Variants in COL11A1 observed in about 807,000 individuals in gnomAD.
The protein encoded by COL11A1 is collagen type XI alpha 1 chain.
COL11A1 carries 74 observed loss-of-function variants against 265.2 expected under a neutral mutation model. The observed-to-expected ratio is 0.28, with a 90% CI of 0.23 to 0.34. The LOEUF is 0.34. Among genes scored for constraint, COL11A1 ranks in the 10% least tolerant of loss-of-function variants. The pLI, the probability that COL11A1 is intolerant of heterozygous loss-of-function variation, is 1.00. For missense variants in COL11A1, 2,165 were observed against 2,263.6 expected, an observed-to-expected ratio of 0.96 and a Z score of 0.88; for synonymous variants, 816 against 727.6, an observed-to-expected ratio of 1.12 and a Z score of -1.96.
At chr1:103,056,963 T>C (rs1487026075) in intron 4 of COL11A1, among the ~76,000 whole-genome samples, 6 of 152,190 alleles carry the variant, frequency 3.9e-5, no homozygotes, top group Non-Finnish European at 8.8e-5. Context: ...CCTCTGTGTC[T>C]ATAACTGCTT....
At chr1:103,016,633 T>G (rs1557949431) in intron 11 of COL11A1, among the ~76,000 whole-genome samples, 1 of 151,758 alleles carries the variant, frequency 6.6e-6, no homozygotes, top group Non-Finnish European at 1.5e-5. Context: ...AACCAATATA[T>G]AAAAAAATGC....
At position 103,080,562 on chromosome 1, in the gene COL11A1, G is replaced by A. The variant is rs188065536; in HGVS notation, c.275-1691C>T. Among the ~76,000 whole-genome samples the A allele has an allele frequency of 9.2e-3, 1,399 of 151,762 alleles. 25 individuals are homozygous for A. Among genetic ancestry groups the A allele is most frequent in the African/African-American group, 0.031 (1,296 of 41,464 alleles). On this transcript the variant is annotated intron_variant, in intron 2 of 66. Coordinates refer to ENST00000370096, the MANE Select transcript of COL11A1 (RefSeq NM_001854.4). ...ACATACAAATGGCTAACGGGTATAT[G>A]AAAAAAATGCTCAACATCGTTAATC...
chr1:103,107,955 G>A (rs1250017332), intron 1 of COL11A1, 118 bp downstream of exon 1: 10 of 766,192 alleles, frequency 1.3e-5, no homozygotes, highest in Non-Finnish European at 2.0e-5. Context: ...GTATTTAAGG[G>A]AATTGCTTTT....
At position 103,022,736 on chromosome 1, in the gene COL11A1, A is replaced by G; in HGVS notation, c.1245+6T>C. ...TACAATGACACAGTGCATAGTATCAACTTACGCTTGTTTCTGTAATATCAG... is the reference window on the plus strand; with the variant it reads ...TACAATGACACAGTGCATAGTATCAGCTTACGCTTGTTTCTGTAATATCAG... On this transcript the variant is annotated splice_donor_region_variant and intron_variant, in intron 8 of 66. Transcript: ENST00000370096. 1 of 1,613,584 alleles carries G rather than the reference A, an allele frequency of 6.2e-7. No homozygotes were observed. The highest frequency in any genetic ancestry group is 8.5e-7 in the Non-Finnish European group (1 of 1,179,936).
At chr1:103,014,883 T>G (rs1322624028) in intron 12 of COL11A1, among the ~76,000 whole-genome samples, 1 of 152,006 alleles carries the variant, frequency 6.6e-6, no homozygotes, top group East Asian at 1.9e-4. Context: ...CATTGTGACT[T>G]TTTTTTAAGC....
chr1:103,082,763 C>A (rs11164662), intron 2 of COL11A1, 42 bp downstream of exon 2: 3 of 1,524,936 alleles, frequency 2.0e-6, no homozygotes, highest in Non-Finnish European at 2.7e-6. Flanking sequence ...AGTGTAATAA[C>A]TTTTAGTAAT....
intron 4 of COL11A1, among the ~76,000 whole-genome samples, chr1:103,052,865 GA>G (rs1277481199): frequency 2.0e-5 from 3 of 152,114 alleles, no homozygotes; most frequent in African/African-American, 7.2e-5. Flanking sequence ...TAGCACTCAA[GA>G]AATACGTAGT....
intron 4 of COL11A1, among the ~76,000 whole-genome samples, chr1:103,066,174 T>A (rs879819238): frequency 1.3e-5 from 2 of 152,002 alleles, no homozygotes; most frequent in African/African-American, 4.8e-5. Context: ...GAAAAGTGTA[T>A]CCTAGAAAAA....
chr1:102,900,180 T>G (rs1033602934), intron 54 of COL11A1, among the ~76,000 whole-genome samples: 5 of 152,160 alleles, frequency 3.3e-5, no homozygotes, highest in African/African-American at 1.2e-4. Context: ...AACTATCTAT[T>G]ATTAGACATT....
At chr1:103,100,176 C>T (rs1674133794) in intron 1 of COL11A1, 1 of 151,832 alleles carries the variant, frequency 6.6e-6, no homozygotes, top group African/African-American at 2.4e-5. Flanking sequence ...TCCAAAAAAG[C>T]TTTTGGATAA....
chr1:103,046,827 T>C (rs2102092191), intron 4 of COL11A1, among the ~76,000 whole-genome samples: 1 of 151,816 alleles, frequency 6.6e-6, no homozygotes, highest in East Asian at 1.9e-4. Context: ...TACATATGGC[T>C]AGCCAGTTTT....
At chr1:103,002,529 T>C (rs370193732) in intron 22 of COL11A1, 48 bp from the exon 23 acceptor site, 36 of 1,487,292 alleles carry the variant, frequency 2.4e-5, no homozygotes, top group Non-Finnish European at 3.1e-5. Context: ...TATTACACAA[T>C]AGATTTTTGT....
At chr1:102,963,466 AG>A (rs1403552000) in intron 38 of COL11A1, among the ~76,000 whole-genome samples, 1 of 152,148 alleles carries the variant, frequency 6.6e-6, no homozygotes, top group Non-Finnish European at 1.5e-5. Context: ...TGAGTATAGC[AG>A]GCTTTCATGT....
chr1:103,049,775 G>C (rs1304356585), intron 4 of COL11A1, among the ~76,000 whole-genome samples: 1 of 152,162 alleles, frequency 6.6e-6, no homozygotes, highest in East Asian at 1.9e-4. Flanking sequence ...TCCTTCAGGA[G>C]CTCTTGTAGG....
intron 4 of COL11A1, among the ~76,000 whole-genome samples, chr1:103,063,550 T>C (rs1342339647): frequency 6.6e-6 from 1 of 152,044 alleles, no homozygotes; most frequent in Admixed American, 6.5e-5. Context: ...CTTAAATTGT[T>C]CAGAAAAATT....
intron 65 of COL11A1, among the ~76,000 whole-genome samples, chr1:102,880,986 TA>T: frequency 6.6e-6 from 1 of 152,020 alleles, no homozygotes; most frequent in East Asian, 1.9e-4. Context: ...AGAGTGTCAA[TA>T]AAAGTGGTTA....
chr1:102,974,730 T>A, intron 36 of COL11A1, 100 bp downstream of exon 36: 1 of 856,350 alleles, frequency 1.2e-6, no homozygotes, highest in East Asian at 2.7e-5. Flanking sequence ...ACAGAGATTT[T>A]ATCAATATTA....
intron 11 of COL11A1, among the ~76,000 whole-genome samples, chr1:103,016,200 T>G (rs550684280): frequency 2.5e-4 from 38 of 152,120 alleles, no homozygotes; most frequent in African/African-American, 7.5e-4. Flanking sequence ...GTAGAATACT[T>G]AACTACATAC....
chr1:102,997,750 G>A (rs1035564149), intron 25 of COL11A1, among the ~76,000 whole-genome samples: 3 of 151,858 alleles, frequency 2.0e-5, no homozygotes, highest in Non-Finnish European at 4.4e-5. Flanking sequence ...AATAACTGTA[G>A]AGATTACATA....
Sources: gnomAD v4.1 joint callset for allele counts (sites outside exome capture counted in the v4.1 genomes callset) on GRCh38, gnomAD v4.1.1 for gene constraint, MANE v1.5 for transcripts, NCBI Gene and HGNC (gene_info 2026-07-23, HGNC 2026-07-21) for gene names.